SCUBE1: variants seen among roughly 807,000 people sequenced by gnomAD.
The protein encoded by SCUBE1 is signal peptide, CUB and EGF-like domain-containing protein 1.
In SCUBE1, 59 loss-of-function variants were observed where a neutral mutation model predicts 124.4. The ratio of observed to expected loss-of-function variants is 0.47; its 90% CI spans 0.38 to 0.59. SCUBE1 has a LOEUF of 0.59. Ranked by LOEUF, SCUBE1 falls within the 20% of genes least tolerant of loss-of-function variation. The pLI, the probability that SCUBE1 is intolerant of heterozygous loss-of-function variation, is 0.00. For missense variants in SCUBE1, 1,150 were observed against 1,371.2 expected (o/e 0.84, Z 2.55); for synonymous variants, 545 against 550.9 (o/e 0.99, Z 0.15).
Position 43,339,171 on chromosome 22 carries a change from C to T in SCUBE1, c.153G>A (p.Gln51=). The change falls in exon 2 of 22, where the codon CAG becomes CAA. Residue 51 remains glutamine (Q), a synonymous_variant. Transcript: ENST00000360835. ...TDDCHIDAIC[Q]NTPKSYKCLC... is the part of the protein sequence containing the mutation. ...GGCATTTGTAGGACTTGGGCGTGTTCTGACAGATGGCATCGATGTGGCAGT... is the reference window on the plus strand; with the variant it reads ...GGCATTTGTAGGACTTGGGCGTGTTTTGACAGATGGCATCGATGTGGCAGT... 1 of 1,613,950 alleles carries T rather than the reference C, an allele frequency of 6.2e-7. No individual in the cohort carries two copies. The highest frequency in any genetic ancestry group is 8.5e-7 in the Non-Finnish European group (1 of 1,179,848).
intron 15 of SCUBE1, among the ~76,000 whole-genome samples, chr22:43,215,567 G>T (rs1205888901): frequency 6.6e-6 from 1 of 152,242 alleles, no homozygotes; most frequent in African/African-American, 2.4e-5. Flanking sequence ...CGGGCTGGGG[G>T]TATCCTGTGC....
chr22:43,322,466 C>T (rs1031579643), intron 2 of SCUBE1, among the ~76,000 whole-genome samples: 22 of 152,192 alleles, frequency 1.4e-4, no homozygotes, highest in African/African-American at 5.3e-4. Context: ...GTTCCTCATC[C>T]CGGTGAATAT....
chr22:43,205,956 CCA>C (rs141231713), intron 21 of SCUBE1, among the ~76,000 whole-genome samples: 13,454 of 90,082 alleles, frequency 0.15, 2,108 homozygotes, highest in African/African-American at 0.18. Context: ...CACCCACTCA[CCA>C]CACTCACCCC....
At chr22:43,300,079 C>T (rs1925711420) in intron 3 of SCUBE1, among the ~76,000 whole-genome samples, 1 of 152,184 alleles carries the variant, frequency 6.6e-6, no homozygotes, top group East Asian at 1.9e-4. Context: ...AACGGTGCTG[C>T]TGAACACTGT....
At chr22:43,291,201 G>C in intron 3 of SCUBE1, 21 bp from the exon 4 acceptor site, 2 of 1,598,450 alleles carry the variant, frequency 1.3e-6, no homozygotes, top group Non-Finnish European at 1.7e-6. Flanking sequence ...AGGAAGAGAA[G>C]GGGACCAGAG....
intron 5 of SCUBE1, among the ~76,000 whole-genome samples, chr22:43,259,543 G>A (rs1342083594): frequency 6.6e-6 from 1 of 152,188 alleles, no homozygotes; most frequent in Non-Finnish European, 1.5e-5. Context: ...GATCTCAAAT[G>A]TTTCAGAACT....
intron 11 of SCUBE1, 93 bp from the exon 12 acceptor site, chr22:43,222,835 C>T (rs549660469): frequency 7.6e-5 from 84 of 1,098,104 alleles, no homozygotes; most frequent in South Asian, 6.2e-4. Flanking sequence ...TGGAGTGAGA[C>T]GAAGATCAGG....
At chr22:43,296,744 G>A (rs5759263) in intron 3 of SCUBE1, among the ~76,000 whole-genome samples, 7,836 of 151,490 alleles carry the variant, frequency 0.052, 478 homozygotes, top group East Asian at 0.29. Flanking sequence ...TCGAACCGCC[G>A]GAGCCCTTCC....
chr22:43,290,687 C>G (rs1481933837), intron 4 of SCUBE1, among the ~76,000 whole-genome samples: 3 of 152,236 alleles, frequency 2.0e-5, no homozygotes, highest in African/African-American at 7.2e-5. Flanking sequence ...GGCACACAGC[C>G]TGGATAGCCT....
At chr22:43,281,453 T>TCTCCCTCAGCCACCCTCCTGTCAC (rs1178806509) in intron 4 of SCUBE1, among the ~76,000 whole-genome samples, 4 of 41,166 alleles carry the variant, frequency 9.7e-5, no homozygotes, top group Admixed American at 2.1e-4. Flanking sequence ...CCTCCTGTCA[T>TCTCCCTCAGCCACCCTCCTGTCAC]CTCCCTCAGC....
intron 2 of SCUBE1, 112 bp downstream of exon 2, chr22:43,338,992 A>G (rs946650623): frequency 1.1e-5 from 14 of 1,279,284 alleles, no homozygotes; most frequent in Admixed American, 6.0e-5. Flanking sequence ...AGCAACCACA[A>G]TGGTGGTGCT....
intron 13 of SCUBE1, among the ~76,000 whole-genome samples, chr22:43,220,909 G>T (rs957717665): frequency 3.9e-5 from 6 of 152,198 alleles, no homozygotes; most frequent in Non-Finnish European, 7.3e-5. Flanking sequence ...GCTGCGTGCT[G>T]AGAGCTCTGT....
Position 43,203,186 on chromosome 22 carries a change from GCTGCCGGC to G in SCUBE1, c.*803_*810del, listed in dbSNP as rs573430636. On this transcript the variant is annotated 3_prime_UTR_variant, in exon 22 of 22. Transcript: ENST00000360835. ...AGCTGTGCTCTCCCCAGCCCCAAGG[GCTGCCGGC>G]CTCACAGAAACAGAAGGGCAAATGC... is the stretch of plus-strand genomic sequence containing the variant. 609 of 152,236 alleles carry G rather than the reference GCTGCCGGC, an allele frequency of 4.0e-3. 3 individuals are homozygous for G. The highest frequency in any genetic ancestry group is 0.014 in the African/African-American group (574 of 41,544). The allele number at this position is 152,236 out of a possible 1,614,324, so 9.4% of individuals were successfully genotyped here.
intron 7 of SCUBE1, 64 bp from the exon 8 acceptor site, chr22:43,231,939 G>GA: frequency 2.5e-6 from 4 of 1,590,742 alleles, no homozygotes; most frequent in Non-Finnish European, 3.4e-6. Context: ...GACCAGCGGG[G>GA]GGACGGCAGG....
At chr22:43,276,697 G>A (rs1476215718) in intron 4 of SCUBE1, among the ~76,000 whole-genome samples, 2 of 152,206 alleles carry the variant, frequency 1.3e-5, no homozygotes, top group African/African-American at 2.4e-5. Flanking sequence ...AACCCCAGGT[G>A]GGAAGCCAGG....
chr22:43,250,080 C>A (rs940482930), intron 6 of SCUBE1, among the ~76,000 whole-genome samples: 3 of 152,252 alleles, frequency 2.0e-5, no homozygotes. Flanking sequence ...AGGAAGTACA[C>A]GCTATCACGA....
At chr22:43,272,615 G>A (rs73886549) in intron 4 of SCUBE1, 6,666 of 152,252 alleles carry the variant, frequency 0.044, 316 homozygotes, top group African/African-American at 0.12. Flanking sequence ...CCTTGTCTGC[G>A]CCTCCTCCTG....
chr22:43,218,348 C>T lies in SCUBE1; in HGVS notation c.1798G>A (p.Gly600Ser). Residue 600 changes from glycine (G) to serine (S), a missense_variant, in exon 15 of 22, where the codon GGC (glycine) becomes AGC (serine). By Grantham distance (56) the Gly-to-Ser change is moderately conservative (BLOSUM62 0). Transcript: ENST00000360835. ...CTCTGGGCTACCTCGTACTCAGTGC[C>T]TGAGACCTGGACATAGAACTGCTGC... ...GRQQFYVQVS[G>S]TEYEVAQRPA... 2 of 1,613,502 alleles carry T rather than the reference C, an allele frequency of 1.2e-6. 1 individual carries two copies. Among genetic ancestry groups the T allele is most frequent in the South Asian group, 2.2e-5 (2 of 91,092 alleles).
chr22:43,205,740 GCCCACTCACCACTCACCCACACACACAC>G (rs1921217167), intron 21 of SCUBE1, among the ~76,000 whole-genome samples: 1 of 15,312 alleles, frequency 6.5e-5, no homozygotes, highest in African/African-American at 4.6e-4. Context: ...CACACCACAC[GCCCACTCACCACTCACCCACACACACAC>G]CACCCACTCA....
Sources: gnomAD v4.1 joint callset for allele counts (sites outside exome capture counted in the v4.1 genomes callset) on GRCh38, gnomAD v4.1.1 for gene constraint, MANE v1.5 for transcripts, NCBI Gene and HGNC (gene_info 2026-07-23, HGNC 2026-07-21) for gene names.